Variants in ADARB2 observed in about 807,000 individuals in gnomAD.
The protein encoded by ADARB2 is adenosine deaminase RNA specific B2 (inactive).
Under a neutral mutation model 62.2 loss-of-function variants are expected in ADARB2, and 25 were observed. The ratio of observed to expected loss-of-function variants is 0.40; its 90% confidence interval spans 0.29 to 0.56. The LOEUF (loss-of-function observed/expected upper bound fraction) is 0.56. ADARB2 is among the 20% of genes least tolerant of loss of function. The pLI is 0.43. For missense variants in ADARB2, 1,071 were observed against 1,077.4 expected (o/e 0.99, Z 0.08); for synonymous variants, 572 against 500.8 (o/e 1.14, Z -1.90).
chr10:1,263,063 T>C (rs1244263865), intron 4 of ADARB2, among the ~76,000 whole-genome samples: 1 of 137,926 alleles, frequency 7.3e-6, no homozygotes, highest in Non-Finnish European at 1.5e-5. Context: ...TTCTCACTCA[T>C]AGGTGGGAAT....
At chr10:1,689,983 T>G (rs556273514) in intron 1 of ADARB2, among the ~76,000 whole-genome samples, 1 of 152,204 alleles carries the variant, frequency 6.6e-6, no homozygotes, top group East Asian at 1.9e-4. Context: ...GGGGTTTTTT[T>G]GTTTTTGTTT....
chr10:1,627,400 TTCTC>T (rs1430618414), intron 1 of ADARB2, among the ~76,000 whole-genome samples: 1 of 152,060 alleles, frequency 6.6e-6, no homozygotes, highest in African/African-American at 2.4e-5. Context: ...TTAATTTTTT[TTCTC>T]TCTCTCTCAT....
intron 1 of ADARB2, among the ~76,000 whole-genome samples, chr10:1,578,214 G>C (rs562152624): frequency 6.6e-6 from 1 of 152,168 alleles, no homozygotes; most frequent in Non-Finnish European, 1.5e-5. Context: ...GGAACAGATG[G>C]CACGTGCAGA....
At chr10:1,617,775 A>C in intron 1 of ADARB2, among the ~76,000 whole-genome samples, 1 of 151,990 alleles carries the variant, frequency 6.6e-6, no homozygotes, top group African/African-American at 2.4e-5. Context: ...CACACTCCAC[A>C]CCACCCTGCT....
At chr10:1,575,802 G>A (rs2131996016) in intron 1 of ADARB2, among the ~76,000 whole-genome samples, 1 of 152,328 alleles carries the variant, frequency 6.6e-6, no homozygotes, top group East Asian at 1.9e-4. Flanking sequence ...CCTTGGGGCA[G>A]TGCCAGGGTC....
intron 1 of ADARB2, among the ~76,000 whole-genome samples, chr10:1,504,005 A>G (rs1287178329): frequency 1.3e-5 from 2 of 152,232 alleles, no homozygotes; most frequent in South Asian, 2.1e-4. Flanking sequence ...CAATGCAAGA[A>G]TGGCTTAATA....
At position 1,663,418 on chromosome 10, in the gene ADARB2, G is replaced by A. The variant is rs148283859; in HGVS notation, c.100+73633C>T. On this transcript the variant is annotated intron_variant, in intron 1 of 9. Transcript: ENST00000381312. ...TACAGAGCGCTGCCACTCCCGAAAC[G>A]CCCTCCGTGCTCCGCCTGCTCATCC... Among the ~76,000 whole-genome samples the A allele has an allele frequency of 5.9e-3, 905 of 152,226 alleles. 10 individuals are homozygous for A. The highest frequency in any genetic ancestry group is 7.4e-3 in the Non-Finnish European group (505 of 68,012).
rs377371863 is a variant in ADARB2 at position 1,664,819 on chromosome 10, C to T, written c.100+72232G>A. On this transcript the variant is annotated intron_variant, in intron 1 of 9. Transcript: ENST00000381312. Reference sequence around the variant, plus strand: ...CCTAGGGCGCTGTGTGCTGCATCCTCATCGCTCTGTTGCCAAATGGCTCCT... The same window carrying T: ...CCTAGGGCGCTGTGTGCTGCATCCTTATCGCTCTGTTGCCAAATGGCTCCT... Among the ~76,000 whole-genome samples, 472 of 152,348 alleles carry T rather than the reference C, an allele frequency of 3.1e-3. 1 individual carries two copies. Among genetic ancestry groups the T allele is most frequent in the African/African-American group, 0.011 (456 of 41,576 alleles).
intron 1 of ADARB2, among the ~76,000 whole-genome samples, chr10:1,489,530 G>A (rs965005245): frequency 5.9e-5 from 9 of 152,216 alleles, no homozygotes; most frequent in South Asian, 2.1e-4. Flanking sequence ...TAGCGGATCC[G>A]CAAGTCTCGA....
chr10:1,551,884 A>G (rs550914807), intron 1 of ADARB2, among the ~76,000 whole-genome samples: 1 of 152,312 alleles, frequency 6.6e-6, no homozygotes, highest in Admixed American at 6.5e-5. Context: ...ATGTGCTGGG[A>G]AAGGCAGACA....
At chr10:1,696,211 C>T (rs1834743355) in intron 1 of ADARB2, among the ~76,000 whole-genome samples, 1 of 151,768 alleles carries the variant, frequency 6.6e-6, no homozygotes, top group African/African-American at 2.4e-5. Context: ...GTTTATATGC[C>T]TGTGTATATG....
At chr10:1,393,640 C>A (rs1412299403) in intron 1 of ADARB2, among the ~76,000 whole-genome samples, 2 of 152,190 alleles carry the variant, frequency 1.3e-5, no homozygotes, top group African/African-American at 4.8e-5. Context: ...GACTATGGTA[C>A]TGTGCACAGT....
At chr10:1,660,690 C>T (rs574748971) in intron 1 of ADARB2, among the ~76,000 whole-genome samples, 71 of 152,276 alleles carry the variant, frequency 4.7e-4, no homozygotes, top group African/African-American at 1.5e-3. Context: ...GATCCAGTGT[C>T]GGGGTATCCA....
At chr10:1,373,794 G>C in intron 2 of ADARB2, among the ~76,000 whole-genome samples, 2 of 84,012 alleles carry the variant, frequency 2.4e-5, no homozygotes, top group African/African-American at 3.8e-5. Context: ...TGGACTCCGC[G>C]CACCTTTCCT....
intron 1 of ADARB2, among the ~76,000 whole-genome samples, chr10:1,478,975 C>T (rs769412962): frequency 5.9e-5 from 9 of 152,196 alleles, no homozygotes; most frequent in African/African-American, 9.7e-5. Flanking sequence ...TCTTCACCAA[C>T]GAATCCAATA....
chr10:1,425,256 G>A (rs541079659), intron 1 of ADARB2, among the ~76,000 whole-genome samples: 30 of 152,298 alleles, frequency 2.0e-4, no homozygotes, highest in Middle Eastern at 3.4e-3. Context: ...ATCAAATGCT[G>A]TGATCTGGTC....
At chr10:1,684,224 T>C (rs1588351719) in intron 1 of ADARB2, among the ~76,000 whole-genome samples, 1 of 152,182 alleles carries the variant, frequency 6.6e-6, no homozygotes, top group Non-Finnish European at 1.5e-5. Context: ...ACTTCTTTCT[T>C]AGAGAAGTTT....
rs537335859 is a variant in ADARB2 at position 1,665,358 on chromosome 10, G to A, written c.100+71693C>T. ...GACACTGAGCGTGGCTGGGGGAGAC[G>A]CCACAGAAACAGAGGACGCACCCCG... On this transcript the variant is annotated intron_variant, in intron 1 of 9. Transcript: ENST00000381312. Among the ~76,000 whole-genome samples the A allele has an allele frequency of 2.6e-5, 4 of 152,360 alleles. No homozygotes were observed. In the South Asian group the frequency reaches 6.2e-4, roughly 24 times the overall value.
chr10:1,728,697 C>T (rs1365534436), intron 1 of ADARB2, among the ~76,000 whole-genome samples: 2 of 152,164 alleles, frequency 1.3e-5, no homozygotes, highest in African/African-American at 4.8e-5. Flanking sequence ...TACTTAAAAA[C>T]AAAGAACCTT....
Sources: allele counts gnomAD v4.1 joint callset (sites outside exome capture counted in the v4.1 genomes callset), GRCh38; gene constraint gnomAD v4.1.1; transcripts MANE v1.5; gene names NCBI Gene and HGNC (gene_info 2026-07-23, HGNC 2026-07-21).